MAGI2: variants seen among roughly 807,000 people sequenced by gnomAD.
MAGI2 encodes the protein membrane associated guanylate kinase, WW and PDZ domain containing 2.
A neutral mutation model predicts 133.3 loss-of-function variants in MAGI2; 35 were observed. That is an observed-to-expected ratio of 0.26 (90% CI 0.20 to 0.35). The LOEUF (loss-of-function observed/expected upper bound fraction) is 0.35. Ranked by LOEUF, MAGI2 falls within the 10% of genes least tolerant of loss-of-function variation. MAGI2 has a pLI of 1.00. For missense variants in MAGI2, 1,636 were observed against 1,863.4 expected (o/e 0.88, Z 2.25); for synonymous variants, 729 against 710.6 (o/e 1.03, Z -0.41).
At chr7:79,172,233 A>C (rs929642249) in intron 1 of MAGI2, among the ~76,000 whole-genome samples, 1 of 152,088 alleles carries the variant, frequency 6.6e-6, no homozygotes, top group African/African-American at 2.4e-5. Context: ...AACAGTGTGA[A>C]TCTTAAAACT....
At chr7:78,828,475 G>C (rs1294579433) in intron 2 of MAGI2, among the ~76,000 whole-genome samples, 1 of 151,976 alleles carries the variant, frequency 6.6e-6, no homozygotes, top group African/African-American at 2.4e-5. Context: ...TATCATCTGA[G>C]AGACATTCTA....
At chr7:78,111,425 C>T (rs1300662619) in intron 20 of MAGI2, among the ~76,000 whole-genome samples, 1 of 152,220 alleles carries the variant, frequency 6.6e-6, no homozygotes, top group Non-Finnish European at 1.5e-5. Context: ...CCTTACCAAA[C>T]CTTTAACTAG....
chr7:78,836,748 G>A (rs1347845714), intron 2 of MAGI2, among the ~76,000 whole-genome samples: 1 of 152,144 alleles, frequency 6.6e-6, no homozygotes, highest in Non-Finnish European at 1.5e-5. Context: ...CACAGGTACA[G>A]ACCTGACAGT....
intron 2 of MAGI2, among the ~76,000 whole-genome samples, chr7:78,630,631 G>A (rs1251612859): frequency 6.6e-6 from 1 of 151,700 alleles, no homozygotes; most frequent in Non-Finnish European, 1.5e-5. Flanking sequence ...TGGCCAGGCT[G>A]GTCTCAATCT....
chr7:78,702,267 G>A (rs1316406988), intron 2 of MAGI2, among the ~76,000 whole-genome samples: 1 of 151,928 alleles, frequency 6.6e-6, no homozygotes, highest in Non-Finnish European at 1.5e-5. Flanking sequence ...AGGTATGCAG[G>A]AGAGCAAGGT....
chr7:78,763,739 T>A (rs10227551), intron 2 of MAGI2, among the ~76,000 whole-genome samples: 67,741 of 151,974 alleles, frequency 0.45, 15,329 homozygotes, highest in Non-Finnish European at 0.48. Context: ...AAATAAGACA[T>A]ATAACTTTTC....
At chr7:79,083,004 A>C (rs1047982673) in intron 1 of MAGI2, among the ~76,000 whole-genome samples, 16 of 151,748 alleles carry the variant, frequency 1.1e-4, no homozygotes, top group African/African-American at 3.6e-4. Context: ...ATATATAAAA[A>C]TACAAATGAT....
chr7:78,468,167 G>A (rs1284593417), intron 6 of MAGI2, among the ~76,000 whole-genome samples: 1 of 152,144 alleles, frequency 6.6e-6, no homozygotes, highest in African/African-American at 2.4e-5. Flanking sequence ...TTTGTAAAAT[G>A]ACAATTATAA....
At chr7:78,988,827 T>A (rs1413623890) in intron 2 of MAGI2, among the ~76,000 whole-genome samples, 1 of 151,950 alleles carries the variant, frequency 6.6e-6, no homozygotes, top group Admixed American at 6.6e-5. Flanking sequence ...AGGTATTTCA[T>A]TAAAACCAAG....
chr7:78,421,591 T>C (rs558537621), intron 6 of MAGI2, among the ~76,000 whole-genome samples: 90 of 152,282 alleles, frequency 5.9e-4, no homozygotes, highest in African/African-American at 2.0e-3. Flanking sequence ...GGCAGGAGGA[T>C]CACTTGATCC....
intron 1 of MAGI2, among the ~76,000 whole-genome samples, chr7:79,328,243 T>C (rs1839835169): frequency 6.6e-6 from 1 of 152,182 alleles, no homozygotes; most frequent in Admixed American, 6.5e-5. Flanking sequence ...TAGGTTCATA[T>C]AGTTTTAGTT....
At chr7:78,758,785 C>A (rs1824205946) in intron 2 of MAGI2, among the ~76,000 whole-genome samples, 1 of 152,164 alleles carries the variant, frequency 6.6e-6, no homozygotes, top group Non-Finnish European at 1.5e-5. Flanking sequence ...GTATCCTATT[C>A]TCTTCTACAA....
At chr7:78,424,766 C>T (rs1043357279) in intron 6 of MAGI2, among the ~76,000 whole-genome samples, 1 of 152,182 alleles carries the variant, frequency 6.6e-6, no homozygotes, top group African/African-American at 2.4e-5. Context: ...TTTGGACTTG[C>T]ATGGGGTCTG....
intron 10 of MAGI2, chr7:78,253,995 G>A (rs1413147967): frequency 6.6e-6 from 1 of 152,160 alleles, no homozygotes; most frequent in Non-Finnish European, 1.5e-5. Context: ...GTAAACTCAA[G>A]AGGTTTTCGA....
rs532856536 is a variant in MAGI2 at position 78,212,077 on chromosome 7, A to G, written c.2048-10884T>C. 1.2e-4 allele frequency among the ~76,000 whole-genome samples: 19 copies of G among 152,302 alleles called. 1 individual carries two copies. The South Asian group carries it at 3.9e-3, about 32-fold the overall frequency. ...TTTTCCTGTAAGTATTTATACGATTATTTACATTTACGCAACTTAACTAGT... is the reference window on the plus strand; with the variant it reads ...TTTTCCTGTAAGTATTTATACGATTGTTTACATTTACGCAACTTAACTAGT... On this transcript the variant is annotated intron_variant, in intron 10 of 21. Coordinates refer to ENST00000354212, the MANE Select transcript of MAGI2 (RefSeq NM_012301.4).
Position 79,453,605 on chromosome 7 carries a change from T to TGGC in MAGI2, c.-288_-286dup. 9.9e-7 allele frequency: 1 copy of TGGC among 1,005,352 alleles called. No individual in the cohort carries two copies. Among genetic ancestry groups the TGGC allele is most frequent in the Non-Finnish European group, 1.2e-6 (1 of 847,584 alleles). The allele number at this position is 1,005,352 out of a possible 1,614,324, so 62.3% of individuals were successfully genotyped here. Reference sequence around the variant, plus strand: ...CCCGCAGCAGAGGAAGCAGTGGTGGTGGCGTCGGCGGCGGCGGCGGCGGCA... The same window carrying TGGC: ...CCCGCAGCAGAGGAAGCAGTGGTGGTGGCGGCGTCGGCGGCGGCGGCGGCGGCA... On this transcript the variant is annotated 5_prime_UTR_variant, in exon 1 of 22. Transcript: ENST00000354212.
intron 12 of MAGI2, among the ~76,000 whole-genome samples, chr7:78,194,305 C>T (rs897755509): frequency 9.2e-5 from 14 of 152,302 alleles, no homozygotes; most frequent in Middle Eastern, 3.4e-3. Flanking sequence ...CAAGTGCATA[C>T]ACGATATTTT....
intron 1 of MAGI2, among the ~76,000 whole-genome samples, chr7:79,399,630 G>A (rs1051858542): frequency 1.3e-5 from 2 of 152,106 alleles, no homozygotes; most frequent in Non-Finnish European, 1.5e-5. Context: ...TTTTCCCAAT[G>A]TATCTTTTGG....
chr7:79,089,504 C>T (rs763493398), intron 1 of MAGI2, among the ~76,000 whole-genome samples: 13 of 152,068 alleles, frequency 8.5e-5, no homozygotes, highest in South Asian at 2.1e-4. Context: ...CACATGCACA[C>T]GTATCTTTAT....
Sources: gnomAD v4.1 joint callset for allele counts (sites outside exome capture counted in the v4.1 genomes callset) on GRCh38, gnomAD v4.1.1 for gene constraint, MANE v1.5 for transcripts, NCBI Gene and HGNC (gene_info 2026-07-23, HGNC 2026-07-21) for gene names.